Variants in ELFN2 observed in about 807,000 individuals in gnomAD.
ELFN2 encodes the protein protein phosphatase 1 regulatory subunit 29.
A neutral mutation model predicts 45.5 loss-of-function variants in ELFN2; 17 were observed. The ratio of observed to expected loss-of-function variants is 0.37; its 90% CI spans 0.26 to 0.56. ELFN2 has a LOEUF of 0.56. ELFN2 is among the 20% of genes least tolerant of loss of function. The pLI is 0.77. For synonymous variants in ELFN2, 550 were observed against 551.5 expected (o/e 1.00, Z 0.04); for missense variants, 922 against 1,183.2 (o/e 0.78, Z 3.24).
At chr22:37,346,036 C>A (rs1930688683) in intron 1 of ELFN2, among the ~76,000 whole-genome samples, 1 of 152,234 alleles carries the variant, frequency 6.6e-6, no homozygotes, top group South Asian at 2.1e-4. Flanking sequence ...CGCTCACTAA[C>A]CTCTCTGGGC....
chr22:37,374,440 G>A lies in ELFN2; in HGVS notation c.1095C>T (p.Arg365=). ...AGGTGTGGTTGAAGCGGCGGCTGTT[G>A]CGCAGCGAGGTCACGCAGAAGGTGT... ...TEYTFCVTSL[R]NSRRFNHTCL... The change falls in exon 3 of 3, where the codon CGC becomes CGT. Residue 365 remains arginine (R), a synonymous_variant. Transcript: ENST00000402918. 6.2e-7 allele frequency: 1 copy of A among 1,614,050 alleles called. No individual in the cohort carries two copies. The highest frequency in any genetic ancestry group is 8.5e-7 in the Non-Finnish European group (1 of 1,179,946).
intron 1 of ELFN2, among the ~76,000 whole-genome samples, chr22:37,422,388 T>C (rs6000728): frequency 4.0e-5 from 6 of 151,514 alleles, no homozygotes; most frequent in Admixed American, 2.0e-4. Context: ...TCGTTTTTTT[T>C]GTTTTTTGGT....
chr22:37,373,498 C>G lies in ELFN2; in HGVS notation c.2037G>C (p.Leu679=). ...TGCCCCCGCCGCTGCCCGCCGGCACCAGCGGGAGCCGGTCCAGCGGGCTGT... is the reference window on the plus strand; with the variant it reads ...TGCCCCCGCCGCTGCCCGCCGGCACGAGCGGGAGCCGGTCCAGCGGGCTGT... The part of the protein sequence containing the change: ...PLNSPLDRLP[L]VPAGSGGGSG... Residue 679 remains leucine, a synonymous_variant, in exon 3 of 3, where the codon CTG becomes CTC. Transcript: ENST00000402918. 1 of 1,551,380 alleles carries G rather than the reference C, an allele frequency of 6.4e-7. No homozygotes were observed. Among genetic ancestry groups the G allele is most frequent in the Non-Finnish European group, 8.7e-7 (1 of 1,150,216 alleles).
At chr22:37,341,503 A>G (rs1340822104) in intron 2 of ELFN2, among the ~76,000 whole-genome samples, 3 of 152,106 alleles carry the variant, frequency 2.0e-5, no homozygotes, top group Non-Finnish European at 4.4e-5. Flanking sequence ...CTGCTCTGTC[A>G]CTGGTGTGCT....
chr22:37,352,740 G>A (rs949228871), intron 1 of ELFN2, among the ~76,000 whole-genome samples: 1 of 150,798 alleles, frequency 6.6e-6, no homozygotes, highest in South Asian at 2.1e-4. Flanking sequence ...TGGCAGGGGA[G>A]GCTGTCACAC....
At chr22:37,394,870 C>T (rs1240525564) in intron 2 of ELFN2, among the ~76,000 whole-genome samples, 1 of 152,014 alleles carries the variant, frequency 6.6e-6, no homozygotes, top group Non-Finnish European at 1.5e-5. Flanking sequence ...TTTAGGAGGC[C>T]GAGGCGGGCG....
downstream of ELFN2, among the ~76,000 whole-genome samples, chr22:37,367,794 G>A (rs1390818651): frequency 6.6e-6 from 1 of 152,086 alleles, no homozygotes; most frequent in African/African-American, 2.4e-5. Context: ...CCCTCTCTCT[G>A]GCAGACCGCC....
downstream of ELFN2, among the ~76,000 whole-genome samples, chr22:37,367,139 T>C (rs1359086923): frequency 2.0e-5 from 3 of 152,062 alleles, no homozygotes; most frequent in African/African-American, 4.8e-5. Context: ...TTCGTAGCAA[T>C]TGGAGAACAA....
chr22:37,390,718 G>A (rs1426245657), intron 2 of ELFN2, among the ~76,000 whole-genome samples: 1 of 152,180 alleles, frequency 6.6e-6, no homozygotes, highest in East Asian at 1.9e-4. Flanking sequence ...CAAGACAGAG[G>A]TTCTAACCCC....
intron 2 of ELFN2, among the ~76,000 whole-genome samples, chr22:37,406,341 A>AAGCACTCACAACGG (rs1932499900): frequency 6.6e-6 from 1 of 152,154 alleles, no homozygotes; most frequent in South Asian, 2.1e-4. Flanking sequence ...GACTGCATAC[A>AAGCACTCACAACGG]AGCACTCACA....
intron 2 of ELFN2, among the ~76,000 whole-genome samples, chr22:37,393,246 C>T (rs142187228): frequency 0.011 from 1,613 of 152,334 alleles, 34 homozygotes; most frequent in African/African-American, 0.036. Flanking sequence ...CCTTTCTCTG[C>T]GTGTCTTTTC....
chr22:37,425,602 G>C (rs971121140), intron 1 of ELFN2, among the ~76,000 whole-genome samples: 2 of 152,036 alleles, frequency 1.3e-5, no homozygotes, highest in African/African-American at 4.8e-5. Context: ...TGTCACACCT[G>C]AGGTTCTCAC....
intron 1 of ELFN2, among the ~76,000 whole-genome samples, chr22:37,349,452 C>G (rs1383144816): frequency 6.6e-6 from 1 of 151,178 alleles, no homozygotes; most frequent in Admixed American, 6.6e-5. Context: ...TCCTGAGAGG[C>G]CCCCCAGGGG....
rs1038015058 is a variant in ELFN2, at chr22:37,417,579, C to T, written c.-463+190G>A. Among the ~76,000 whole-genome samples, 2 of 152,200 alleles carry T rather than the reference C, an allele frequency of 1.3e-5. No individual in the cohort carries two copies. Among genetic ancestry groups the T allele is most frequent in the African/African-American group, 4.8e-5 (2 of 41,468 alleles). ...CCAACAGGCCTGCCGCTCTGCAGGC[C>T]GCCTCATAGGCCCTGTGGAAGGAAA... is the stretch of plus-strand genomic sequence containing the variant. On this transcript the variant is annotated intron_variant, in intron 2 of 2. Coordinates refer to ENST00000402918, the MANE Select transcript of ELFN2 (RefSeq NM_052906.5). This position sits in a 1 kb window ranked among gnomAD's most constrained non-coding sequence, Gnocchi z 4.5.
At chr22:37,381,674 C>G (rs1931775020) in intron 2 of ELFN2, among the ~76,000 whole-genome samples, 1 of 152,112 alleles carries the variant, frequency 6.6e-6, no homozygotes, top group Non-Finnish European at 1.5e-5. Context: ...GCCCCACCCC[C>G]AGCAGAAAAG....
At chr22:37,418,763 A>C (rs1017603350) in intron 1 of ELFN2, 6 of 152,322 alleles carry the variant, frequency 3.9e-5, no homozygotes, top group Admixed American at 3.3e-4. Flanking sequence ...CAGGACTGGC[A>C]CACGCCTTCC....
chr22:37,350,623 G>C (rs939839167), intron 1 of ELFN2, among the ~76,000 whole-genome samples: 1 of 150,580 alleles, frequency 6.6e-6, no homozygotes, highest in Non-Finnish European at 1.5e-5. Context: ...GGCTGAGAGC[G>C]TGTGTGACCC....
chr22:37,421,213 C>A (rs2145691878), intron 1 of ELFN2, among the ~76,000 whole-genome samples: 1 of 152,302 alleles, frequency 6.6e-6, no homozygotes, highest in Admixed American at 6.5e-5. Context: ...TCTGGGCTTC[C>A]CCACCTCCGG....
At chr22:37,379,506 C>T (rs1931687702) in intron 2 of ELFN2, among the ~76,000 whole-genome samples, 1 of 152,194 alleles carries the variant, frequency 6.6e-6, no homozygotes, top group Non-Finnish European at 1.5e-5. Flanking sequence ...GCTTTTCTCC[C>T]TTCAGGCCCC....
Sources: gnomAD v4.1 joint callset for allele counts (sites outside exome capture counted in the v4.1 genomes callset) on GRCh38, gnomAD v4.1.1 for gene constraint, Gnocchi (gnomAD v3.1) non-coding constraint, MANE v1.5 for transcripts, NCBI Gene and HGNC (gene_info 2026-07-23, HGNC 2026-07-21) for gene names.